FRMPD1: variants seen among roughly 807,000 people sequenced by gnomAD.
FRMPD1 encodes the protein FERM and PDZ domain-containing protein 1.
FRMPD1 carries 76 observed loss-of-function variants against 117.8 expected under a neutral mutation model. The ratio of observed to expected loss-of-function variants is 0.65; its 90% CI spans 0.54 to 0.78. The LOEUF is 0.78. FRMPD1 is among the 30% of genes least tolerant of loss of function. The probability of loss-of-function intolerance (pLI) is 0.00; values close to 1 mark genes in which losing one functional copy is unlikely to be tolerated. For synonymous variants in FRMPD1, 783 were observed against 770.4 expected, an observed-to-expected ratio of 1.02 and a Z score of -0.27; for missense variants, 1,786 against 1,964.5, an observed-to-expected ratio of 0.91 and a Z score of 1.72.
chr9:37,612,123 G>T, the FRMPD1 span, among the ~76,000 whole-genome samples: 162 of 152,216 alleles, frequency 1.1e-3, 1 homozygote, highest in South Asian at 6.2e-3. Flanking sequence ...TATATCCCAG[G>T]GGTGTGATGT....
Position 37,745,694 on chromosome 9 carries a change from T to TC in FRMPD1, c.3665dup (p.Pro1223SerfsTer10). 1 of 1,614,032 alleles carries TC rather than the reference T, an allele frequency of 6.2e-7. No individual in the cohort carries two copies. The stretch of plus-strand genomic sequence containing the variant: ...GGGAAGCAGACAGTTTCACCAGCCG[T>TC]CCCTCCAGAGGGGATCAAGGCAGAG... On this transcript the variant is annotated frameshift_variant, in exon 16 of 16. Transcript: ENST00000377765. LOFTEE classifies it high-confidence loss of function.
chr9:37,639,916 T>A, the FRMPD1 span, among the ~76,000 whole-genome samples: 22,516 of 152,112 alleles, frequency 0.15, 1,809 homozygotes, highest in African/African-American at 0.2. Flanking sequence ...AAAATTTTAC[T>A]TGAATGAGTG....
chr9:37,718,261 C>T (rs944473040), intron 5 of FRMPD1, among the ~76,000 whole-genome samples: 11 of 152,184 alleles, frequency 7.2e-5, no homozygotes, highest in African/African-American at 2.7e-4. Flanking sequence ...CTTCACAGAA[C>T]GTGGCCCAGA....
At chr9:37,608,341 A>C in the FRMPD1 span, among the ~76,000 whole-genome samples, 4 of 151,956 alleles carry the variant, frequency 2.6e-5, no homozygotes. Flanking sequence ...AACCAATTTC[A>C]AAGGCACTGC....
chr9:37,637,553 GGCAAGCAAGCAC>G, the FRMPD1 span, among the ~76,000 whole-genome samples: 1 of 152,080 alleles, frequency 6.6e-6, no homozygotes, highest in African/African-American at 2.4e-5. Flanking sequence ...CCTACACTCT[GGCAAGCAAGCAC>G]TAATCTGTTT....
chr9:37,733,715 T>C lies in FRMPD1; in HGVS notation c.1123-15T>C. ...GAATAACTCTGACTTCAAGTGTTTT[T>C]TTTTCTCTATTAAGCAACTTATTTC... On this transcript the variant is annotated splice_polypyrimidine_tract_variant and intron_variant, in intron 11 of 15. Transcript: ENST00000377765. 1 of 1,592,794 alleles carries C rather than the reference T, an allele frequency of 6.3e-7. No individual in the cohort carries two copies. The highest frequency in any genetic ancestry group is 8.6e-7 in the Non-Finnish European group (1 of 1,160,906).
At chr9:37,607,954 C>G in the FRMPD1 span, among the ~76,000 whole-genome samples, 1 of 152,186 alleles carries the variant, frequency 6.6e-6, no homozygotes, top group African/African-American at 2.4e-5. Context: ...CTCTGAGAAG[C>G]TTGCTATTTC....
chr9:37,709,571 A>G (rs1822836458), intron 4 of FRMPD1, among the ~76,000 whole-genome samples: 1 of 152,176 alleles, frequency 6.6e-6, no homozygotes. Flanking sequence ...AGAGAGAAAG[A>G]AAAAGAAAAG....
rs141882679 is a variant in FRMPD1 at position 37,702,779 on chromosome 9, C to T, written c.102-4637C>T. ...TAGTTCTCACTTAGGAAGGGTAAAC[C>T]ATAGCTTACACAGTGCTCTGGAAGG... On this transcript the variant is annotated intron_variant, in intron 2 of 15. Coordinates refer to ENST00000377765, the MANE Select transcript of FRMPD1 (RefSeq NM_014907.3). Among the ~76,000 whole-genome samples, 769 of 152,292 alleles carry T rather than the reference C, an allele frequency of 5.0e-3. 1 individual carries two copies. The highest frequency in any genetic ancestry group is 9.1e-3 in the Non-Finnish European group (617 of 68,036).
chr9:37,648,085 T>C (rs181730274), upstream of FRMPD1, among the ~76,000 whole-genome samples: 423 of 152,278 alleles, frequency 2.8e-3, 4 homozygotes, highest in Non-Finnish European at 1.0e-3. Flanking sequence ...AAGTAATGAA[T>C]GCTGTTTCGT....
rs763201136 is a variant in FRMPD1 at position 37,740,669 on chromosome 9, C to T, written c.2141C>T (p.Ser714Phe). The change falls in exon 15 of 16, where the codon TCC (serine) becomes TTC (phenylalanine). Residue 714 changes from serine to phenylalanine, a missense_variant. Transcript: ENST00000377765. The surrounding 1 kb of genome is among the most constrained non-coding windows in gnomAD (Gnocchi z 4.2). ...ADYYSLCSSV[S>F]PASYLSDSSE... ...TACTACAGCCTGTGTTCCAGTGTCTCCCCGGCCAGCTACCTGAGTGACAGT... is the reference window on the plus strand; with the variant it reads ...TACTACAGCCTGTGTTCCAGTGTCTTCCCGGCCAGCTACCTGAGTGACAGT... The T allele has an allele frequency of 1.2e-6, 2 of 1,614,146 alleles. No individual in the cohort carries two copies. Among genetic ancestry groups the T allele is most frequent in the East Asian group, 4.5e-5 (2 of 44,868 alleles).
chr9:37,695,311 C>T (rs1360522906), intron 2 of FRMPD1, among the ~76,000 whole-genome samples: 5 of 152,150 alleles, frequency 3.3e-5, no homozygotes, highest in Non-Finnish European at 7.4e-5. Flanking sequence ...ACATCTTTGC[C>T]AACACTTGCT....
intron 2 of FRMPD1, among the ~76,000 whole-genome samples, chr9:37,697,523 C>A (rs1822366668): frequency 6.6e-6 from 1 of 151,446 alleles, no homozygotes; most frequent in African/African-American, 2.4e-5. Context: ...GCCGAGATAG[C>A]GCCACTGCAC....
upstream of FRMPD1, among the ~76,000 whole-genome samples, chr9:37,649,221 T>A (rs986721940): frequency 5.9e-5 from 9 of 152,264 alleles, 1 homozygote; most frequent in Admixed American, 5.2e-4. Context: ...TGATGATTAA[T>A]CTTTATCTAC....
chr9:37,665,079 T>G (rs1821121270), intron 1 of FRMPD1, among the ~76,000 whole-genome samples: 1 of 152,214 alleles, frequency 6.6e-6, no homozygotes, highest in Non-Finnish European at 1.5e-5. Context: ...AATGGCACTC[T>G]TATCTATAGC....
At chr9:37,650,686 C>T (rs566713531), upstream of FRMPD1, among the ~76,000 whole-genome samples, 1 of 152,130 alleles carries the variant, frequency 6.6e-6, no homozygotes, top group Non-Finnish European at 1.5e-5. Context: ...TCAGTCTCCC[C>T]CCTGGGTACT....
At chr9:37,638,190 CA>C in the FRMPD1 span, among the ~76,000 whole-genome samples, 2 of 151,854 alleles carry the variant, frequency 1.3e-5, no homozygotes, top group Non-Finnish European at 2.9e-5. Flanking sequence ...TCTTCTGCCT[CA>C]GCCTCCCGAG....
intron 2 of FRMPD1, among the ~76,000 whole-genome samples, chr9:37,697,843 G>A (rs1339185745): frequency 3.9e-5 from 6 of 152,130 alleles, no homozygotes; most frequent in South Asian, 2.1e-4. Flanking sequence ...TCGGCTGGGC[G>A]TGGTGGCTCA....
At chr9:37,614,540 G>A in the FRMPD1 span, among the ~76,000 whole-genome samples, 2 of 152,188 alleles carry the variant, frequency 1.3e-5, no homozygotes, top group Non-Finnish European at 2.9e-5. Flanking sequence ...CAGCTGAAAT[G>A]TTTCCCAAAA....
Sources: gnomAD v4.1 joint callset for allele counts (sites outside exome capture counted in the v4.1 genomes callset) on GRCh38, gnomAD v4.1.1 for gene constraint, Gnocchi (gnomAD v3.1) non-coding constraint, MANE v1.5 for transcripts, NCBI Gene and HGNC (gene_info 2026-07-23, HGNC 2026-07-21) for gene names.